SPACA6: variants seen among roughly 807,000 people sequenced by gnomAD.
SPACA6 encodes sperm acrosome associated 6, also known as sperm acrosome membrane-associated protein 6.
For synonymous variants in SPACA6, 6 were observed against 1.5 expected (o/e 4.05, Z -2.21); for missense variants, 8 against 2.8 (o/e 2.88, Z -1.34).
chr19:51,684,722 C>CA (rs1026032326), upstream of SPACA6, among the ~76,000 whole-genome samples: 1 of 151,488 alleles, frequency 6.6e-6, no homozygotes, highest in East Asian at 1.9e-4. Flanking sequence ...AAAAAATTTG[C>CA]AAAAAAAACC....
At chr19:51,685,042 C>T (rs921378096), upstream of SPACA6, among the ~76,000 whole-genome samples, 4 of 152,200 alleles carry the variant, frequency 2.6e-5, no homozygotes, top group African/African-American at 4.8e-5. Context: ...CCTCATGACC[C>T]GGTGCCGCCT....
At chr19:51,694,009 GAAGATGGAGACTCGGA>G (rs1009816442) in intron 1 of SPACA6, 5 of 312,894 alleles carry the variant, frequency 1.6e-5, no homozygotes, top group African/African-American at 9.2e-5. Flanking sequence ...AGAGAGAGAG[GAAGATGGAGACTCGGA>G]AAGATGGAGA....
At chr19:51,688,835 GA>G (rs1445733958), upstream of SPACA6, among the ~76,000 whole-genome samples, 1 of 151,770 alleles carries the variant, frequency 6.6e-6, no homozygotes, top group African/African-American at 2.4e-5. Flanking sequence ...AGGACAGACG[GA>G]AAGAGACACA....
At chr19:51,690,465 GA>G (rs141034774), upstream of SPACA6, among the ~76,000 whole-genome samples, 9 of 152,108 alleles carry the variant, frequency 5.9e-5, no homozygotes, top group East Asian at 1.7e-3. Flanking sequence ...CGGAACCCAG[GA>G]GTCCCCACCT....
At chr19:51,702,820 G>T (rs2083479823) in intron 4 of SPACA6, 168 bp downstream of exon 4, 1 of 398,522 alleles carries the variant, frequency 2.5e-6, no homozygotes, top group Non-Finnish European at 4.4e-6. Flanking sequence ...TCCTCAGAAG[G>T]TGTGTGTGAG....
chr19:51,701,905 C>G (rs2083471298), intron 3 of SPACA6, 179 bp downstream of exon 3: 1 of 356,834 alleles, frequency 2.8e-6, no homozygotes, highest in Non-Finnish European at 5.0e-6. Flanking sequence ...ATACCCATAT[C>G]TACTAAAGAT....
chr19:51,687,835 CAG>C (rs888307272), upstream of SPACA6: 14 of 152,428 alleles, frequency 9.2e-5, no homozygotes, highest in African/African-American at 3.4e-4. Context: ...GGGCCAGACT[CAG>C]GGAGTTGTAG....
chr19:51,701,530 C>T (rs1600141468), intron 2 of SPACA6, 128 bp from the exon 3 acceptor site: 1 of 388,594 alleles, frequency 2.6e-6, no homozygotes, highest in Non-Finnish European at 4.6e-6. Context: ...GGGCAGATAC[C>T]ATGACAGTAC....
chr19:51,686,172 G>A (rs2083327596), upstream of SPACA6: 1 of 152,202 alleles, frequency 6.6e-6, no homozygotes, highest in African/African-American at 2.4e-5. Context: ...GAGGCCTTAT[G>A]TTTCAGAAAC....
At chr19:51,710,853 G>T (rs2083538178) in intron 2 of SPACA6, among the ~76,000 whole-genome samples, 1 of 152,206 alleles carries the variant, frequency 6.6e-6, no homozygotes, top group Non-Finnish European at 1.5e-5. Context: ...GCCGAGGCTG[G>T]TGGATCACTT....
chr19:51,697,630 A>C (rs757579596), intron 2 of SPACA6, among the ~76,000 whole-genome samples: 1 of 152,030 alleles, frequency 6.6e-6, no homozygotes, highest in Non-Finnish European at 1.5e-5. Context: ...CAATGGGAAG[A>C]ATCAAGGATG....
intron 3 of SPACA6, 174 bp from the exon 4 acceptor site, chr19:51,702,455 G>C: frequency 2.5e-6 from 1 of 393,642 alleles, no homozygotes; most frequent in East Asian, 3.6e-5. Flanking sequence ...GCTCAGGCTT[G>C]GCCCCGGCCC....
downstream of SPACA6, among the ~76,000 whole-genome samples, chr19:51,707,331 G>C (rs144632037): frequency 6.7e-6 from 1 of 149,742 alleles, no homozygotes; most frequent in Non-Finnish European, 1.5e-5. Flanking sequence ...AGCAATTCTC[G>C]TGCCTCAGTG....
At chr19:51,696,042 G>A (rs1323711209) in intron 2 of SPACA6, among the ~76,000 whole-genome samples, 2 of 152,180 alleles carry the variant, frequency 1.3e-5, no homozygotes, top group African/African-American at 4.8e-5. Context: ...GGACGTTTAG[G>A]AGGCAGCTAG....
Position 51,703,872 on chromosome 19 carries a change from A to C in SPACA6, c.574-158A>C. 2.5e-6 allele frequency: 1 copy of C among 395,792 alleles called. No homozygotes were observed. Among genetic ancestry groups the C allele is most frequent in the Non-Finnish European group, 4.4e-6 (1 of 225,320 alleles). 24.5% of individuals were successfully genotyped at this position (395,792 alleles called of 1,614,324 possible). ...GCGTAAGGGTTTAAGGAGTGAGGGG[A>C]AGGGGTGCGTTTAGGGCAGGGGAGC... On this transcript the variant is annotated intron_variant, in intron 6 of 8. Transcript: ENST00000637797. This position sits in a 1 kb window ranked among gnomAD's most constrained non-coding sequence, Gnocchi z 4.2.
upstream of SPACA6, among the ~76,000 whole-genome samples, chr19:51,692,220 C>T (rs552053324): frequency 7.9e-4 from 120 of 152,162 alleles, no homozygotes; most frequent in Non-Finnish European, 8.7e-4. This position sits in a 1 kb window ranked among gnomAD's most constrained non-coding sequence, Gnocchi z 5.6. Context: ...GGCCAAATTA[C>T]GAGACAAATG....
At chr19:51,697,525 G>A (rs940590121) in intron 2 of SPACA6, among the ~76,000 whole-genome samples, 5 of 152,148 alleles carry the variant, frequency 3.3e-5, no homozygotes, top group African/African-American at 4.8e-5. Context: ...TTATAGCCCC[G>A]CTTATCAGAA....
chr19:51,688,885 G>A (rs1220026692), upstream of SPACA6, among the ~76,000 whole-genome samples: 2 of 141,370 alleles, frequency 1.4e-5, no homozygotes, highest in Admixed American at 7.5e-5. Context: ...CAGGAGCAGA[G>A]AGGAGGAGGG....
chr19:51,701,827 C>G (rs1284949099), intron 3 of SPACA6, 101 bp downstream of exon 3: 7 of 386,792 alleles, frequency 1.8e-5, no homozygotes, highest in Non-Finnish European at 3.2e-5. Context: ...AATCCCAGCA[C>G]TTTGGAAGGC....
Sources: gnomAD v4.1 joint callset for allele counts (sites outside exome capture counted in the v4.1 genomes callset) on GRCh38, gnomAD v4.1.1 for gene constraint, Gnocchi (gnomAD v3.1) non-coding constraint, MANE v1.5 for transcripts, NCBI Gene and HGNC (gene_info 2026-07-23, HGNC 2026-07-21) for gene names.